NKAIN2: variants seen among roughly 807,000 people sequenced by gnomAD.
NKAIN2 encodes the protein sodium/potassium transporting ATPase interacting 2.
In NKAIN2, 14 loss-of-function variants were observed where a neutral mutation model predicts 32.6. The ratio of observed to expected loss-of-function variants is 0.43; its 90% CI spans 0.28 to 0.67. The LOEUF is 0.67. Ranked by LOEUF, NKAIN2 falls within the 30% of genes least tolerant of loss-of-function variation. The pLI is 0.17. For synonymous variants in NKAIN2, 80 were observed against 87.2 expected (o/e 0.92, Z 0.46); for missense variants, 198 against 258.3 (o/e 0.77, Z 1.60).
chr6:124,135,485 C>T (rs575062021), intron 1 of NKAIN2, among the ~76,000 whole-genome samples: 220 of 126,176 alleles, frequency 1.7e-3, no homozygotes, highest in Non-Finnish European at 3.0e-3. Flanking sequence ...ATTCTTATAT[C>T]ACACAAAACA....
At chr6:123,877,953 G>C (rs1170516827) in intron 1 of NKAIN2, among the ~76,000 whole-genome samples, 1 of 152,180 alleles carries the variant, frequency 6.6e-6, no homozygotes, top group Non-Finnish European at 1.5e-5. Context: ...ATCGCCGGGT[G>C]TGGTGGCCTA....
intron 2 of NKAIN2, among the ~76,000 whole-genome samples, chr6:124,305,009 T>C (rs79802503): frequency 0.024 from 3,683 of 152,154 alleles, 144 homozygotes; most frequent in African/African-American, 0.084. Context: ...AAGATTGCTG[T>C]AGGTTAATAT....
At chr6:124,732,969 TA>T (rs547758491) in intron 4 of NKAIN2, among the ~76,000 whole-genome samples, 9 of 151,734 alleles carry the variant, frequency 5.9e-5, no homozygotes, top group Non-Finnish European at 1.2e-4. Flanking sequence ...GATACATCCA[TA>T]AAAAGAAATA....
intron 1 of NKAIN2, among the ~76,000 whole-genome samples, chr6:123,828,094 G>T (rs773116892): frequency 6.6e-6 from 1 of 151,964 alleles, no homozygotes; most frequent in African/African-American, 2.4e-5. Flanking sequence ...TAACCTTTGT[G>T]GTCCTGCTCA....
chr6:124,337,060 T>C (rs565292055), intron 2 of NKAIN2, among the ~76,000 whole-genome samples: 1 of 152,266 alleles, frequency 6.6e-6, no homozygotes, highest in Admixed American at 6.5e-5. Flanking sequence ...TGGAGAGCTG[T>C]TAGATCTTAA....
chr6:124,009,886 T>G (rs1433084404), intron 1 of NKAIN2, among the ~76,000 whole-genome samples: 1 of 152,122 alleles, frequency 6.6e-6, no homozygotes, highest in Non-Finnish European at 1.5e-5. Context: ...TGCGTATGTA[T>G]ATGTGTATAA....
intron 1 of NKAIN2, among the ~76,000 whole-genome samples, chr6:124,002,458 T>TC (rs111351690): frequency 1.3e-5 from 2 of 151,990 alleles, no homozygotes; most frequent in African/African-American, 2.4e-5. Flanking sequence ...CCTTTTTTTT[T>TC]CCCCCTTACC....
intron 3 of NKAIN2, among the ~76,000 whole-genome samples, chr6:124,488,429 A>G (rs1173993662): frequency 6.6e-6 from 1 of 152,058 alleles, no homozygotes; most frequent in Non-Finnish European, 1.5e-5. Context: ...AAAAAAGAAA[A>G]CAAACATTAT....
Position 124,565,977 on chromosome 6 carries a change from G to A in NKAIN2, c.274-92209G>A, listed in dbSNP as rs370645312. Among the ~76,000 whole-genome samples the A allele has an allele frequency of 6.6e-5, 10 of 152,252 alleles. No homozygotes were observed. In the South Asian group the frequency reaches 1.0e-3, roughly 16 times the overall value. ...GTAGATTTGCTGTGCTAAGCAGTAG[G>A]GCTTATAGCTTTGACCAAGTTACAG... On this transcript the variant is annotated intron_variant, in intron 3 of 6. Transcript: ENST00000368417.
At chr6:123,984,081 A>G (rs962953749) in intron 1 of NKAIN2, among the ~76,000 whole-genome samples, 1 of 151,862 alleles carries the variant, frequency 6.6e-6, no homozygotes, top group African/African-American at 2.4e-5. Flanking sequence ...CTAATTTTGT[A>G]TTTTTAGTAG....
At chr6:124,557,171 GATATT>G (rs1163129362) in intron 3 of NKAIN2, among the ~76,000 whole-genome samples, 3 of 152,090 alleles carry the variant, frequency 2.0e-5, no homozygotes, top group African/African-American at 7.2e-5. Flanking sequence ...TTGTTATTAT[GATATT>G]ATAGATTGTT....
At chr6:124,428,038 G>T (rs1221183504) in intron 3 of NKAIN2, among the ~76,000 whole-genome samples, 2 of 151,734 alleles carry the variant, frequency 1.3e-5, no homozygotes, top group Non-Finnish European at 2.9e-5. Context: ...TTTCCTTTTG[G>T]TCTGGGTTCT....
At chr6:124,016,131 A>G (rs529421295) in intron 1 of NKAIN2, among the ~76,000 whole-genome samples, 1 of 152,318 alleles carries the variant, frequency 6.6e-6, no homozygotes, top group East Asian at 1.9e-4. Context: ...TAAATGGAGT[A>G]AAAAGTGCCA....
At chr6:124,382,644 AC>A (rs1335519005) in intron 3 of NKAIN2, among the ~76,000 whole-genome samples, 1 of 152,176 alleles carries the variant, frequency 6.6e-6, no homozygotes, top group East Asian at 1.9e-4. Flanking sequence ...ACTATATCCC[AC>A]ATACAAAGTA....
intron 3 of NKAIN2, among the ~76,000 whole-genome samples, chr6:124,542,071 G>A (rs1779932356): frequency 6.6e-6 from 1 of 151,952 alleles, no homozygotes; most frequent in Non-Finnish European, 1.5e-5. Context: ...CATGAAACTG[G>A]CTATGAATTT....
intron 1 of NKAIN2, among the ~76,000 whole-genome samples, chr6:124,204,419 T>G (rs1790754605): frequency 6.6e-6 from 1 of 151,772 alleles, no homozygotes; most frequent in African/African-American, 2.4e-5. Context: ...ATGACTCACT[T>G]TAAAAGCATA....
At chr6:124,507,192 G>C (rs1336825280) in intron 3 of NKAIN2, among the ~76,000 whole-genome samples, 1 of 152,086 alleles carries the variant, frequency 6.6e-6, no homozygotes, top group Non-Finnish European at 1.5e-5. Flanking sequence ...AGTACGCGAG[G>C]GTTTGTTTCA....
chr6:123,931,618 G>A (rs1776256531), intron 1 of NKAIN2, among the ~76,000 whole-genome samples: 1 of 151,784 alleles, frequency 6.6e-6, no homozygotes, highest in African/African-American at 2.4e-5. Flanking sequence ...ATTTCTTCAT[G>A]CTTCATCATT....
chr6:124,150,657 G>A lies in NKAIN2; in HGVS notation c.55-132348G>A, dbSNP rs143532080. On this transcript the variant is annotated intron_variant, in intron 1 of 6. Transcript: ENST00000368417. The stretch of plus-strand genomic sequence containing the variant: ...TCAATTCTGTATGAAAATCTTTTCT[G>A]CATTTATTTTTATATTTTTGAAAGC... Among the ~76,000 whole-genome samples, 166 of 152,092 alleles carry A rather than the reference G, an allele frequency of 1.1e-3. 1 individual carries two copies. The highest frequency in any genetic ancestry group is 3.8e-3 in the African/African-American group (159 of 41,530).
Sources: gnomAD v4.1 joint callset for allele counts (sites outside exome capture counted in the v4.1 genomes callset) on GRCh38, gnomAD v4.1.1 for gene constraint, MANE v1.5 for transcripts, NCBI Gene and HGNC (gene_info 2026-07-23, HGNC 2026-07-21) for gene names.